The following C17orf107 variants were observed in gnomAD, a reference collection of about 807,000 sequenced individuals.
The protein encoded by C17orf107 is chromosome 17 open reading frame 107.
C17orf107 carries 9 observed loss-of-function variants against 8.9 expected under a neutral mutation model. That is an observed-to-expected ratio of 1.02 (90% CI 0.61 to 1.77). C17orf107 has a LOEUF of 1.77. Among genes scored for constraint, C17orf107 ranks in the 40% most tolerant of loss-of-function variants. The pLI is 0.00. For synonymous variants in C17orf107, 139 were observed against 120.3 expected (o/e 1.16, Z -1.02); for missense variants, 281 against 249.0 (o/e 1.13, Z -0.86).
chr17:4,903,070 G>C (rs1006804410), downstream of C17orf107: 6 of 1,614,014 alleles, frequency 3.7e-6, no homozygotes, highest in African/African-American at 1.3e-5. Context: ...CCATCCTGCT[G>C]CGTGGTTCTC....
downstream of C17orf107, among the ~76,000 whole-genome samples, chr17:4,906,029 C>T (rs922942913): frequency 6.6e-6 from 1 of 152,194 alleles, no homozygotes. Flanking sequence ...ACTGCCCATT[C>T]CCCCTACTTT....
At chr17:4,899,852 T>C in intron 1 of C17orf107, 24 bp downstream of exon 1, 1 of 1,550,972 alleles carries the variant, frequency 6.4e-7, no homozygotes, top group South Asian at 1.2e-5. Flanking sequence ...CGCCAAGGGC[T>C]GCACCTCGAG....
rs149766604 is a variant in C17orf107 at position 4,902,482 on chromosome 17, C to T, written c.*1949C>T. On this transcript the variant is annotated 3_prime_UTR_variant, in exon 3 of 3. Transcript: ENST00000381365. The surrounding 1 kb of genome is among the most constrained non-coding windows in gnomAD (Gnocchi z 4.0). ...ATCCAGACGCTAGTGGTGAGAGTCT[C>T]CTCTTTTTCATTCTGCAGATGGGAG... The T allele has an allele frequency of 1.3e-5, 21 of 1,614,034 alleles. No homozygotes were observed. Among genetic ancestry groups the T allele is most frequent in the Non-Finnish European group, 1.8e-5 (21 of 1,180,028 alleles).
Position 4,902,820 on chromosome 17 carries a change from C to T in C17orf107, c.*2287C>T, listed in dbSNP as rs1045612292. On this transcript the variant is annotated 3_prime_UTR_variant, in exon 3 of 3. Coordinates refer to ENST00000381365, the MANE Select transcript of C17orf107 (RefSeq NM_001145536.2). This position sits in a 1 kb window ranked among gnomAD's most constrained non-coding sequence, Gnocchi z 4.0. ...GCAATGAAGAGGCTGGAGCACCTCT[C>T]TCCCCTCTGCCTCCCCTGGGTCCTC... 2 of 1,612,528 alleles carry T rather than the reference C, an allele frequency of 1.2e-6. No individual in the cohort carries two copies. The highest frequency in any genetic ancestry group is 2.7e-5 in the African/African-American group (2 of 74,864).
At chr17:4,905,090 T>C (rs1173390666), downstream of C17orf107, among the ~76,000 whole-genome samples, 1 of 152,190 alleles carries the variant, frequency 6.6e-6, no homozygotes, top group Non-Finnish European at 1.5e-5. Context: ...AGTTCCCCCT[T>C]ACAGGGCCGA....
Position 4,901,947 on chromosome 17 carries a change from C to A in C17orf107, c.*1414C>A, listed in dbSNP as rs1567639487. The A allele has an allele frequency of 6.2e-7, 1 of 1,607,686 alleles. No individual in the cohort carries two copies. Among genetic ancestry groups the A allele is most frequent in the East Asian group, 2.3e-5 (1 of 44,274 alleles). ...CTCTTCCCACCGGAAAATAAGCGAACAGTTCTGCCAATCGAAGGGGAAGTA... is the reference window on the plus strand; with the variant it reads ...CTCTTCCCACCGGAAAATAAGCGAAAAGTTCTGCCAATCGAAGGGGAAGTA... On this transcript the variant is annotated 3_prime_UTR_variant, in exon 3 of 3. Coordinates refer to ENST00000381365, the MANE Select transcript of C17orf107 (RefSeq NM_001145536.2).
In C17orf107 at chr17:4,901,601, C is replaced by T; in HGVS notation, c.*1068C>T. ...TGTCTACGGCAAAAGTGAACTCCAC[C>T]TCTTCGGCATTGTACGTCTGAGAGC... is the stretch of plus-strand genomic sequence containing the variant. On this transcript the variant is annotated 3_prime_UTR_variant, in exon 3 of 3. Transcript: ENST00000381365. 3 of 1,614,186 alleles carry T rather than the reference C, an allele frequency of 1.9e-6. No individual in the cohort carries two copies. The highest frequency in any genetic ancestry group is 2.5e-6 in the Non-Finnish European group (3 of 1,180,028).
chr17:4,901,094 G>A lies in C17orf107; in HGVS notation c.*561G>A, dbSNP rs1190161718. The A allele has an allele frequency of 4.3e-6, 7 of 1,613,624 alleles. No homozygotes were observed. Among genetic ancestry groups the A allele is most frequent in the Non-Finnish European group, 5.9e-6 (7 of 1,179,976 alleles). On this transcript the variant is annotated 3_prime_UTR_variant, in exon 3 of 3. Coordinates refer to ENST00000381365, the MANE Select transcript of C17orf107 (RefSeq NM_001145536.2). ...GAGCGGCTTCCGGCGGATGATGAGCGAGTAGATGACGTCAGTCTCCCCTGG... is the reference window on the plus strand; with the variant it reads ...GAGCGGCTTCCGGCGGATGATGAGCAAGTAGATGACGTCAGTCTCCCCTGG...
chr17:4,904,463 C>T (rs751003126), downstream of C17orf107, among the ~76,000 whole-genome samples: 19 of 152,100 alleles, frequency 1.2e-4, no homozygotes, highest in Non-Finnish European at 2.4e-4. Flanking sequence ...ATTATGATTT[C>T]GGGACTAGGG....
chr17:4,902,435 C>T lies in C17orf107; in HGVS notation c.*1902C>T, dbSNP rs1437260021. ...CCTGGACAAGACCTCACACCATTCCCCAGATTTGACTCACGATTCCAATCC... is the reference window on the plus strand; with the variant it reads ...CCTGGACAAGACCTCACACCATTCCTCAGATTTGACTCACGATTCCAATCC... On this transcript the variant is annotated 3_prime_UTR_variant, in exon 3 of 3. Coordinates refer to ENST00000381365, the MANE Select transcript of C17orf107 (RefSeq NM_001145536.2). This position sits in a 1 kb window ranked among gnomAD's most constrained non-coding sequence, Gnocchi z 4.0. The T allele has an allele frequency of 6.2e-7, 1 of 1,614,174 alleles. No individual in the cohort carries two copies. Among genetic ancestry groups the T allele is most frequent in the Non-Finnish European group, 8.5e-7 (1 of 1,180,026 alleles).
downstream of C17orf107, chr17:4,903,047 A>T: frequency 6.2e-7 from 1 of 1,613,870 alleles, no homozygotes; most frequent in Non-Finnish European, 8.5e-7. Context: ...CAGGACCCCA[A>T]GCGGAGCCCT....
In C17orf107 at chr17:4,901,182, C is replaced by G; in HGVS notation, c.*649C>G. ...CCCGGGCAGAAGTCGATGGCCCACT[C>G]GCCGTTCTCTGCGGGACGGGGGCAC... On this transcript the variant is annotated 3_prime_UTR_variant, in exon 3 of 3. Transcript: ENST00000381365. 6.2e-7 allele frequency: 1 copy of G among 1,604,858 alleles called. No individual in the cohort carries two copies.
At position 4,900,997 on chromosome 17, in the gene C17orf107, C is replaced by T. The variant is rs1567638559; in HGVS notation, c.*464C>T. ...TTCGGGGCCACTGCTTACCCTGCGCCGGCAGGAAGTAGGCGAGCAGCACCA... is the reference window on the plus strand; with the variant it reads ...TTCGGGGCCACTGCTTACCCTGCGCTGGCAGGAAGTAGGCGAGCAGCACCA... On this transcript the variant is annotated 3_prime_UTR_variant, in exon 3 of 3. Coordinates refer to ENST00000381365, the MANE Select transcript of C17orf107 (RefSeq NM_001145536.2). 31 of 1,613,824 alleles carry T rather than the reference C, an allele frequency of 1.9e-5. No homozygotes were observed. The highest frequency in any genetic ancestry group is 2.4e-5 in the Non-Finnish European group (28 of 1,179,890).
chr17:4,902,338 G>C lies in C17orf107; in HGVS notation c.*1805G>C. 1 of 1,614,094 alleles carries C rather than the reference G, an allele frequency of 6.2e-7. No homozygotes were observed. The highest frequency in any genetic ancestry group is 1.1e-5 in the South Asian group (1 of 91,084). ...TAATCCTGCCAATCCTAAGGGGTGG[G>C]GGATGGAAGGCCGCGTGCCCTGCAT... On this transcript the variant is annotated 3_prime_UTR_variant, in exon 3 of 3. Coordinates refer to ENST00000381365, the MANE Select transcript of C17orf107 (RefSeq NM_001145536.2). This position sits in a 1 kb window ranked among gnomAD's most constrained non-coding sequence, Gnocchi z 4.0.
In C17orf107 at chr17:4,902,331, G is replaced by C. The variant is rs371818740; in HGVS notation, c.*1798G>C. 6.2e-7 allele frequency: 1 copy of C among 1,614,164 alleles called. No individual in the cohort carries two copies. ...GAGTCGGTAATCCTGCCAATCCTAA[G>C]GGGTGGGGGATGGAAGGCCGCGTGC... is the stretch of plus-strand genomic sequence containing the variant. On this transcript the variant is annotated 3_prime_UTR_variant, in exon 3 of 3. Coordinates refer to ENST00000381365, the MANE Select transcript of C17orf107 (RefSeq NM_001145536.2). The surrounding 1 kb of genome is among the most constrained non-coding windows in gnomAD (Gnocchi z 4.0).
chr17:4,903,928 G>T (rs1241453900), downstream of C17orf107, among the ~76,000 whole-genome samples: 1 of 152,180 alleles, frequency 6.6e-6, no homozygotes, highest in Non-Finnish European at 1.5e-5. Context: ...CATGATCTCG[G>T]CTCACTGCAA....
rs2151096983 is a variant in C17orf107, at chr17:4,900,793, C to A, written c.*260C>A. Reference sequence around the variant, plus strand: ...ACCCCCGCGGGGGCTCCGGCTTCACCTGCCCAGGAGCGGCACGCTCAGAGA... The same window carrying A: ...ACCCCCGCGGGGGCTCCGGCTTCACATGCCCAGGAGCGGCACGCTCAGAGA... On this transcript the variant is annotated 3_prime_UTR_variant, in exon 3 of 3. Coordinates refer to ENST00000381365, the MANE Select transcript of C17orf107 (RefSeq NM_001145536.2). 2 of 1,613,328 alleles carry A rather than the reference C, an allele frequency of 1.2e-6. No homozygotes were observed. Among genetic ancestry groups the A allele is most frequent in the Admixed American group, 1.7e-5 (1 of 59,940 alleles).
chr17:4,899,885 T>A, intron 1 of C17orf107, 51 bp from the exon 2 acceptor site: 1 of 1,549,106 alleles, frequency 6.5e-7, no homozygotes, highest in East Asian at 2.4e-5. Context: ...GGTCTCCTGT[T>A]CGCCCCTGTG....
downstream of C17orf107, among the ~76,000 whole-genome samples, chr17:4,904,197 TTTTTTGC>T (rs1174712285): frequency 2.0e-5 from 3 of 151,656 alleles, no homozygotes; most frequent in Non-Finnish European, 4.4e-5. Context: ...TTGTTTTTTG[TTTTTTGC>T]AGGGGGTGGG....
Sources: allele counts gnomAD v4.1 joint callset (sites outside exome capture counted in the v4.1 genomes callset), GRCh38; gene constraint gnomAD v4.1.1; non-coding constraint Gnocchi (gnomAD v3.1); transcripts MANE v1.5; gene names NCBI Gene and HGNC (gene_info 2026-07-23, HGNC 2026-07-21).